VWA3B: variants seen among roughly 807,000 people sequenced by gnomAD.
VWA3B encodes von Willebrand factor A domain containing 3B, also known as von Willebrand factor A domain-containing protein 3B.
A neutral mutation model predicts 158.3 loss-of-function variants in VWA3B; 138 were observed. That is an observed-to-expected ratio of 0.87 (90% CI 0.76 to 1.00). The LOEUF (loss-of-function observed/expected upper bound fraction) is 1.00, where lower values mean the gene tolerates loss of function less well. VWA3B is among the 50% of genes least tolerant of loss of function. The probability of loss-of-function intolerance (pLI) is 0.00; values close to 1 mark genes in which losing one functional copy is unlikely to be tolerated. For synonymous variants in VWA3B, 596 were observed against 587.3 expected (o/e 1.01, Z -0.21); for missense variants, 1,555 against 1,565.1 (o/e 0.99, Z 0.11).
intron 21 of VWA3B, among the ~76,000 whole-genome samples, chr2:98,261,438 T>C (rs563718035): frequency 3.3e-5 from 5 of 151,822 alleles, no homozygotes; most frequent in South Asian, 2.1e-4. Flanking sequence ...AGGAATTACA[T>C]ACCAAACATA....
the VWA3B span, among the ~76,000 whole-genome samples, chr2:98,319,176 A>C: frequency 4.6e-5 from 7 of 152,192 alleles, no homozygotes; most frequent in African/African-American, 1.7e-4. Context: ...AATTAGATCC[A>C]TGCCTCACAC....
chr2:98,158,248 C>T (rs1301464908), intron 7 of VWA3B, among the ~76,000 whole-genome samples: 3 of 151,572 alleles, frequency 2.0e-5, no homozygotes, highest in Non-Finnish European at 4.4e-5. Flanking sequence ...GTGGAGGATA[C>T]AAAGAAAGAA....
At chr2:98,290,242 G>C (rs62155281) in intron 22 of VWA3B, among the ~76,000 whole-genome samples, 1 of 152,100 alleles carries the variant, frequency 6.6e-6, no homozygotes, top group East Asian at 1.9e-4. Flanking sequence ...GAGAGAGAGA[G>C]TGAAAGGGGA....
chr2:98,171,007 A>G (rs1473947567), intron 8 of VWA3B, among the ~76,000 whole-genome samples: 1 of 152,238 alleles, frequency 6.6e-6, no homozygotes, highest in African/African-American at 2.4e-5. Context: ...TGTGAATGAT[A>G]ATGATAATAC....
intron 19 of VWA3B, among the ~76,000 whole-genome samples, chr2:98,238,194 C>T (rs1685828085): frequency 6.6e-6 from 1 of 152,140 alleles, no homozygotes; most frequent in Admixed American, 6.5e-5. Context: ...TTGGGATGAC[C>T]AGTGACTCTC....
At chr2:98,101,350 T>C (rs1176381050) in intron 2 of VWA3B, among the ~76,000 whole-genome samples, 1 of 152,182 alleles carries the variant, frequency 6.6e-6, no homozygotes, top group Non-Finnish European at 1.5e-5. Context: ...GGCCTGGGAA[T>C]CCAGAGTACT....
chr2:98,140,001 C>T (rs532835612), intron 7 of VWA3B, among the ~76,000 whole-genome samples: 116 of 152,196 alleles, frequency 7.6e-4, no homozygotes, highest in Non-Finnish European at 1.4e-3. Context: ...ACAAGCCCAC[C>T]GGGAGGAACG....
chr2:98,175,011 A>C (rs1049938393), intron 8 of VWA3B, among the ~76,000 whole-genome samples: 1 of 152,236 alleles, frequency 6.6e-6, no homozygotes, highest in Admixed American at 6.5e-5. Flanking sequence ...TGATAAACAA[A>C]CAACCACCAA....
At chr2:98,248,544 C>T (rs1446477953) in intron 19 of VWA3B, among the ~76,000 whole-genome samples, 1 of 152,132 alleles carries the variant, frequency 6.6e-6, no homozygotes, top group Non-Finnish European at 1.5e-5. Context: ...ACATCAGTGT[C>T]CTCTCTCCCT....
At chr2:98,298,783 G>T (rs1232275120) in intron 24 of VWA3B, among the ~76,000 whole-genome samples, 1 of 152,266 alleles carries the variant, frequency 6.6e-6, no homozygotes, top group Non-Finnish European at 1.5e-5. Flanking sequence ...ATGGGCCCGA[G>T]CAAGAGGCTC....
Position 98,125,420 on chromosome 2 carries a change from C to A in VWA3B, c.703-2819C>A, listed in dbSNP as rs545979235. On this transcript the variant is annotated intron_variant, in intron 5 of 27. Transcript: ENST00000477737. The surrounding 1 kb of genome is among the most constrained non-coding windows in gnomAD (Gnocchi z 4.1). ...CAAGGGCAGGGCTTGTGGGGCCAGG[C>A]AGCCTAGGCTTACCAGCTTCAAGGC... 6.6e-6 allele frequency among the ~76,000 whole-genome samples: 1 copy of A among 152,338 alleles called. No homozygotes were observed. Among genetic ancestry groups the A allele is most frequent in the Admixed American group, 6.5e-5 (1 of 15,312 alleles).
At chr2:98,290,413 A>C in intron 22 of VWA3B, 98 bp from the exon 23 acceptor site, 1 of 900,016 alleles carries the variant, frequency 1.1e-6, no homozygotes. Flanking sequence ...GGATGGGGAC[A>C]CAGAGCCAAA....
At chr2:98,236,879 G>C in intron 19 of VWA3B, 149 bp downstream of exon 19, 1 of 1,200,454 alleles carries the variant, frequency 8.3e-7, no homozygotes, top group Non-Finnish European at 1.1e-6. Context: ...AAGGGAGAGA[G>C]AGAGGCTTTT....
intron 26 of VWA3B, among the ~76,000 whole-genome samples, chr2:98,304,956 C>T (rs1690429168): frequency 6.6e-6 from 1 of 152,152 alleles, no homozygotes; most frequent in African/African-American, 2.4e-5. Context: ...CTCTCCTGTT[C>T]ACTCCTGAGC....
In VWA3B at chr2:98,165,222, A is replaced by T. The variant is rs138702387; in HGVS notation, c.1114+2246A>T. Among the ~76,000 whole-genome samples the T allele has an allele frequency of 5.5e-3, 833 of 152,350 alleles. 10 individuals are homozygous for T. Among genetic ancestry groups the T allele is most frequent in the African/African-American group, 0.019 (801 of 41,586 alleles). On this transcript the variant is annotated intron_variant, in intron 8 of 27. Coordinates refer to ENST00000477737, the MANE Select transcript of VWA3B (RefSeq NM_144992.5). Reference sequence around the variant, plus strand: ...TAAGGCTCCTTATGAGCGTTAGCTCATTTCATATTTGCTACAATCTTAAGA... The same window carrying T: ...TAAGGCTCCTTATGAGCGTTAGCTCTTTTCATATTTGCTACAATCTTAAGA...
At chr2:98,144,101 C>T (rs925758001) in intron 7 of VWA3B, among the ~76,000 whole-genome samples, 4 of 151,748 alleles carry the variant, frequency 2.6e-5, no homozygotes, top group Admixed American at 6.6e-5. Flanking sequence ...AGGAATATAT[C>T]TCTATATAAG....
chr2:98,216,622 G>T (rs1160036692), intron 13 of VWA3B: 1 of 441,976 alleles, frequency 2.3e-6, no homozygotes, highest in East Asian at 7.0e-5. Flanking sequence ...AGCCCTGGCT[G>T]CACAGCTGTT....
At chr2:98,139,896 C>G (rs1388041919) in intron 7 of VWA3B, among the ~76,000 whole-genome samples, 1 of 152,210 alleles carries the variant, frequency 6.6e-6, no homozygotes. Flanking sequence ...TGCAATAAAT[C>G]TTGCTACTGC....
At chr2:98,302,151 C>T (rs904516479) in intron 25 of VWA3B, among the ~76,000 whole-genome samples, 10 of 152,068 alleles carry the variant, frequency 6.6e-5, no homozygotes, top group African/African-American at 2.2e-4. Flanking sequence ...TTCCTGAATG[C>T]GGTGGGCTTT....
Sources: allele counts gnomAD v4.1 joint callset (sites outside exome capture counted in the v4.1 genomes callset), GRCh38; gene constraint gnomAD v4.1.1; non-coding constraint Gnocchi (gnomAD v3.1); transcripts MANE v1.5; gene names NCBI Gene and HGNC (gene_info 2026-07-23, HGNC 2026-07-21).